Variants in PAN3 observed in about 807,000 individuals in gnomAD.
PAN3 encodes PAN2-PAN3 deadenylation complex subunit PAN3.
Under a neutral mutation model 96.2 loss-of-function variants are expected in PAN3, and 19 were observed. That is an observed-to-expected ratio of 0.20 (90% CI 0.14 to 0.29). PAN3 has a LOEUF of 0.29. Among genes scored for constraint, PAN3 ranks in the 10% least tolerant of loss-of-function variants. PAN3 has a pLI of 1.00. For missense variants in PAN3, 882 were observed against 1,108.1 expected, an observed-to-expected ratio of 0.80 and a Z score of 2.90; for synonymous variants, 433 against 406.6, an observed-to-expected ratio of 1.06 and a Z score of -0.78.
chr13:28,168,751 G>A (rs147305132), intron 1 of PAN3, among the ~76,000 whole-genome samples: 2,469 of 152,060 alleles, frequency 0.016, 62 homozygotes, highest in African/African-American at 0.054. Context: ...GGATGTGGTG[G>A]CTCACGCCTG....
intron 6 of PAN3, among the ~76,000 whole-genome samples, chr13:28,246,764 T>C (rs1041541733): frequency 5.3e-5 from 8 of 152,218 alleles, no homozygotes; most frequent in African/African-American, 1.9e-4. Context: ...GATGTCATTT[T>C]TTTTATGACT....
At chr13:28,168,879 G>A (rs1278770731) in intron 1 of PAN3, among the ~76,000 whole-genome samples, 4 of 151,490 alleles carry the variant, frequency 2.6e-5, no homozygotes, top group Non-Finnish European at 5.9e-5. Flanking sequence ...TTACTTGGGT[G>A]TGGTGGCAGG....
chr13:28,240,563 T>A (rs1021122319), intron 6 of PAN3, among the ~76,000 whole-genome samples: 4 of 152,224 alleles, frequency 2.6e-5, no homozygotes, highest in Non-Finnish European at 1.5e-5. Context: ...TCTTTAAATA[T>A]CTTTGATTGA....
intron 6 of PAN3, among the ~76,000 whole-genome samples, chr13:28,226,999 G>C (rs1007467896): frequency 3.9e-5 from 6 of 152,128 alleles, no homozygotes; most frequent in African/African-American, 1.4e-4. Flanking sequence ...TTGTGAAGTG[G>C]ACCTTTTAAT....
intron 1 of PAN3, among the ~76,000 whole-genome samples, chr13:28,158,795 G>A (rs558289124): frequency 5.4e-4 from 82 of 151,920 alleles, no homozygotes; most frequent in African/African-American, 2.0e-3. Context: ...GGAGAATGGC[G>A]TGAACCCGGG....
At chr13:28,193,459 G>C (rs141820809) in intron 4 of PAN3, among the ~76,000 whole-genome samples, 7 of 152,048 alleles carry the variant, frequency 4.6e-5, no homozygotes, top group African/African-American at 1.7e-4. Flanking sequence ...AACCATTTTT[G>C]GGGACGGGCA....
intron 5 of PAN3, among the ~76,000 whole-genome samples, chr13:28,211,562 G>A (rs1197539585): frequency 6.6e-6 from 1 of 152,202 alleles, no homozygotes; most frequent in Non-Finnish European, 1.5e-5. Context: ...CAAGTTATTT[G>A]AAATGGTATT....
intron 1 of PAN3, among the ~76,000 whole-genome samples, chr13:28,161,166 C>A (rs537142071): frequency 6.6e-6 from 1 of 151,922 alleles, no homozygotes; most frequent in Non-Finnish European, 1.5e-5. Context: ...TATATTTAAT[C>A]TTTTATTATG....
At chr13:28,222,560 T>A (rs1167060745) in intron 6 of PAN3, among the ~76,000 whole-genome samples, 1 of 152,194 alleles carries the variant, frequency 6.6e-6, no homozygotes, top group African/African-American at 2.4e-5. Flanking sequence ...TTCTGTTTGG[T>A]TATTGGTTTA....
chr13:28,139,442 A>T (rs984797887), intron 1 of PAN3, among the ~76,000 whole-genome samples: 2 of 150,216 alleles, frequency 1.3e-5, no homozygotes, highest in African/African-American at 4.9e-5. Flanking sequence ...GTTTGCAGGC[A>T]CATGTGTTTT....
chr13:28,201,791 T>C (rs113159083), intron 5 of PAN3, among the ~76,000 whole-genome samples: 24 of 152,190 alleles, frequency 1.6e-4, no homozygotes, highest in African/African-American at 5.5e-4. Context: ...TTGTATGTCA[T>C]TGATTCTGAA....
At chr13:28,173,801 A>G (rs1364468476) in intron 1 of PAN3, among the ~76,000 whole-genome samples, 1 of 152,248 alleles carries the variant, frequency 6.6e-6, no homozygotes, top group East Asian at 1.9e-4. Flanking sequence ...CCTGAATGCC[A>G]TCCTATTGCT....
In PAN3 at chr13:28,256,605, G is replaced by T. The variant is rs548957847; in HGVS notation, c.1248+66G>T. On this transcript the variant is annotated intron_variant, in intron 7 of 18. Transcript: ENST00000380958. ...AACAGGACCTTCTTAGTTGTGAGGC[G>T]GTCTACCCCCTCCTGCAGCTTTTTA... 2.7e-6 allele frequency: 4 copies of T among 1,476,700 alleles called. No homozygotes were observed. In the East Asian group the frequency reaches 9.3e-5, roughly 34 times the overall value. 91.5% of individuals were successfully genotyped at this position (1,476,700 alleles called of 1,614,324 possible). A position where few individuals can be genotyped will look rare whatever the true frequency, so the allele number is the denominator to read the frequency against.
chr13:28,266,879 A>G lies in PAN3; in HGVS notation c.1573+3A>G. The G allele has an allele frequency of 6.4e-7, 1 of 1,571,734 alleles. No homozygotes were observed. The highest frequency in any genetic ancestry group is 2.3e-5 in the East Asian group (1 of 44,018). ...ATATTGCCTTCGGAGGATACATGGTAAGGAAGATAAGTTATCTTCTTTTAT... is the reference window on the plus strand; with the variant it reads ...ATATTGCCTTCGGAGGATACATGGTGAGGAAGATAAGTTATCTTCTTTTAT... On this transcript the variant is annotated splice_donor_region_variant and intron_variant, in intron 10 of 18. Coordinates refer to ENST00000380958, the MANE Select transcript of PAN3 (RefSeq NM_175854.8).
At chr13:28,192,237 T>C (rs773033560) in intron 4 of PAN3, among the ~76,000 whole-genome samples, 11 of 151,984 alleles carry the variant, frequency 7.2e-5, no homozygotes, top group Admixed American at 2.0e-4. Flanking sequence ...ACCCAGCTAA[T>C]TTTTGTATTT....
chr13:28,231,732 CAA>C (rs1383775216), intron 6 of PAN3, among the ~76,000 whole-genome samples: 3 of 151,978 alleles, frequency 2.0e-5, no homozygotes, highest in African/African-American at 7.3e-5. Flanking sequence ...GACCTGGTCT[CAA>C]AACAAATAAA....
chr13:28,280,047 A>C (rs1887339695), intron 15 of PAN3, among the ~76,000 whole-genome samples: 1 of 151,948 alleles, frequency 6.6e-6, no homozygotes. Flanking sequence ...CGGCCTCCCA[A>C]AGTGCTGGGA....
intron 5 of PAN3, among the ~76,000 whole-genome samples, chr13:28,207,562 T>A (rs1411246431): frequency 6.6e-6 from 1 of 152,228 alleles, no homozygotes; most frequent in African/African-American, 2.4e-5. Flanking sequence ...CTCCTTTGGC[T>A]ATTCTTTTTG....
At chr13:28,237,143 G>C (rs1457438586) in intron 6 of PAN3, among the ~76,000 whole-genome samples, 1 of 152,034 alleles carries the variant, frequency 6.6e-6, no homozygotes, top group African/African-American at 2.4e-5. Flanking sequence ...GAAAACATTA[G>C]ATTGGGCTGG....
Sources: gnomAD v4.1 joint callset for allele counts (sites outside exome capture counted in the v4.1 genomes callset) on GRCh38, gnomAD v4.1.1 for gene constraint, MANE v1.5 for transcripts, NCBI Gene and HGNC (gene_info 2026-07-23, HGNC 2026-07-21) for gene names.